Variants in DCC observed in about 807,000 individuals in gnomAD.
DCC encodes the protein DCC netrin 1 receptor, also known as netrin receptor DCC.
In DCC, 58 loss-of-function variants were observed where a neutral mutation model predicts 172.5. The ratio of observed to expected loss-of-function variants is 0.34; its 90% confidence interval spans 0.27 to 0.42. DCC has a LOEUF of 0.42. DCC is among the 10% of genes least tolerant of loss of function. The probability of loss-of-function intolerance (pLI) is 1.00; values close to 1 mark genes in which losing one functional copy is unlikely to be tolerated. For synonymous variants in DCC, 709 were observed against 644.5 expected (o/e 1.10, Z -1.52); for missense variants, 1,740 against 1,791.0 (o/e 0.97, Z 0.51).
chr18:53,356,474 A>G (rs1261275096), intron 15 of DCC, among the ~76,000 whole-genome samples: 2 of 152,164 alleles, frequency 1.3e-5, no homozygotes, highest in Admixed American at 6.5e-5. Context: ...GAAATACATC[A>G]ACACCTTTTA....
chr18:53,174,784 C>T (rs1478683951), intron 8 of DCC, among the ~76,000 whole-genome samples: 1 of 150,792 alleles, frequency 6.6e-6, no homozygotes, highest in Non-Finnish European at 1.5e-5. Flanking sequence ...TGAAACTATT[C>T]CAATCAATAG....
In DCC at chr18:52,574,287, G is replaced by A. The variant is rs527784876; in HGVS notation, c.92-177767G>A. ...CATTTATGAGGAATATGTGAGTGTG[G>A]AAGCCTGCATTTATGAATGTGGATG... On this transcript the variant is annotated intron_variant, in intron 1 of 28. Coordinates refer to ENST00000442544, the MANE Select transcript of DCC (RefSeq NM_005215.4). Among the ~76,000 whole-genome samples, 7 of 152,268 alleles carry A rather than the reference G, an allele frequency of 4.6e-5. No homozygotes were observed. The South Asian group carries it at 1.4e-3, about 32-fold the overall frequency.
intron 1 of DCC, among the ~76,000 whole-genome samples, chr18:52,637,232 CA>C (rs2144891874): frequency 6.6e-6 from 1 of 152,262 alleles, no homozygotes; most frequent in African/African-American, 2.4e-5. Flanking sequence ...ACCAGAAACC[CA>C]ACCCTGGTAA....
At chr18:53,376,512 C>T (rs948131223) in intron 15 of DCC, among the ~76,000 whole-genome samples, 3 of 152,126 alleles carry the variant, frequency 2.0e-5, no homozygotes, top group Admixed American at 1.3e-4. Context: ...CAACGTAGAG[C>T]CAACAATTCT....
At chr18:53,185,079 C>A (rs900986559) in intron 9 of DCC, among the ~76,000 whole-genome samples, 2 of 152,074 alleles carry the variant, frequency 1.3e-5, no homozygotes, top group African/African-American at 4.8e-5. Flanking sequence ...GGCATTACAT[C>A]TTTTTTGGTA....
intron 5 of DCC, among the ~76,000 whole-genome samples, chr18:52,928,202 A>T (rs1290485633): frequency 6.6e-6 from 1 of 152,158 alleles, no homozygotes; most frequent in Non-Finnish European, 1.5e-5. Flanking sequence ...GAAGCTAAAC[A>T]TTGAGTACAC....
At chr18:53,341,956 T>A (rs2057664721) in intron 15 of DCC, among the ~76,000 whole-genome samples, 1 of 152,062 alleles carries the variant, frequency 6.6e-6, no homozygotes, top group Non-Finnish European at 1.5e-5. Context: ...TACATATACA[T>A]AATAAAGAAA....
Position 52,964,643 on chromosome 18 carries a change from G to A in DCC, c.985+39273G>A, listed in dbSNP as rs534575451. ...TGAAATCACCAGAGATTTCTTAAAT[G>A]TTTAGGTCATTCCAGAAGTCCCTAC... is the stretch of plus-strand genomic sequence containing the variant. On this transcript the variant is annotated intron_variant, in intron 5 of 28. Coordinates refer to ENST00000442544, the MANE Select transcript of DCC (RefSeq NM_005215.4). Among the ~76,000 whole-genome samples the A allele has an allele frequency of 5.9e-5, 9 of 152,168 alleles. No individual in the cohort carries two copies. In the South Asian group the frequency reaches 1.0e-3, roughly 18 times the overall value.
chr18:53,192,479 G>A (rs2055380507), intron 9 of DCC, among the ~76,000 whole-genome samples: 1 of 152,124 alleles, frequency 6.6e-6, no homozygotes, highest in African/African-American at 2.4e-5. Context: ...AAAAGATCAA[G>A]GTGTAAGTTT....
intron 2 of DCC, 33 bp downstream of exon 2, chr18:52,752,407 C>T (rs769396196): frequency 3.4e-6 from 5 of 1,476,188 alleles, no homozygotes; most frequent in Middle Eastern, 1.7e-4. Context: ...TCCTCCTCCT[C>T]CTTCCTCTCT....
intron 2 of DCC, among the ~76,000 whole-genome samples, chr18:52,777,594 T>G (rs114622752): frequency 2.4e-4 from 36 of 152,220 alleles, no homozygotes; most frequent in African/African-American, 8.4e-4. Context: ...GGGAGTAGGA[T>G]GTAAATGTAT....
chr18:52,515,682 T>C (rs1424721834), intron 1 of DCC, among the ~76,000 whole-genome samples: 1 of 140,778 alleles, frequency 7.1e-6, no homozygotes, highest in African/African-American at 2.6e-5. Flanking sequence ...GTCTCCAAGA[T>C]CAAGGGCTAA....
At chr18:52,839,165 T>A (rs977386519) in intron 2 of DCC, among the ~76,000 whole-genome samples, 4 of 152,214 alleles carry the variant, frequency 2.6e-5, no homozygotes, top group African/African-American at 9.6e-5. Flanking sequence ...GGAGAAATTA[T>A]ACAAATGAAT....
In DCC at chr18:52,366,448, G is replaced by A. The variant is rs564910823; in HGVS notation, c.91+25570G>A. 7.9e-5 allele frequency among the ~76,000 whole-genome samples: 12 copies of A among 152,130 alleles called. No individual in the cohort carries two copies. The South Asian group carries it at 1.0e-3, about 13-fold the overall frequency. On this transcript the variant is annotated intron_variant, in intron 1 of 28. Coordinates refer to ENST00000442544, the MANE Select transcript of DCC (RefSeq NM_005215.4). The stretch of plus-strand genomic sequence containing the variant: ...CCACATCCTGCTGATTGGTAGAGCC[G>A]AGTGGCCTGTTTTGTCAGGGCGCTG...
chr18:52,783,744 C>A (rs746447433), intron 2 of DCC, among the ~76,000 whole-genome samples: 1 of 151,834 alleles, frequency 6.6e-6, no homozygotes, highest in South Asian at 2.1e-4. Flanking sequence ...TACACACACA[C>A]TTGTAAATAC....
chr18:52,599,112 G>A (rs2033966243), intron 1 of DCC, among the ~76,000 whole-genome samples: 1 of 152,156 alleles, frequency 6.6e-6, no homozygotes, highest in African/African-American at 2.4e-5. Context: ...GATCAATTAG[G>A]TAGCAGGGTG....
intron 5 of DCC, among the ~76,000 whole-genome samples, chr18:53,001,926 A>G (rs879867428): frequency 1.9e-4 from 29 of 152,178 alleles, no homozygotes; most frequent in Non-Finnish European, 3.7e-4. Context: ...TTACTGGAGT[A>G]GTAAAAGAAA....
At chr18:52,976,377 T>C (rs940224500) in intron 5 of DCC, among the ~76,000 whole-genome samples, 34 of 152,206 alleles carry the variant, frequency 2.2e-4, no homozygotes, top group Non-Finnish European at 4.1e-4. Flanking sequence ...CAATTTTTGC[T>C]TTTGTTGCAA....
chr18:52,707,552 G>A (rs2036229948), intron 1 of DCC, among the ~76,000 whole-genome samples: 1 of 152,146 alleles, frequency 6.6e-6, no homozygotes, highest in South Asian at 2.1e-4. Context: ...TGTTGAAGAG[G>A]TATCTGCAGT....
Sources: allele counts gnomAD v4.1 joint callset (sites outside exome capture counted in the v4.1 genomes callset), GRCh38; gene constraint gnomAD v4.1.1; transcripts MANE v1.5; gene names NCBI Gene and HGNC (gene_info 2026-07-23, HGNC 2026-07-21).